The following MIS18A variants were observed in gnomAD, a reference collection of about 807,000 sequenced individuals.
MIS18A encodes the protein protein Mis18-alpha.
Under a neutral mutation model 25.0 loss-of-function variants are expected in MIS18A, and 14 were observed. The ratio of observed to expected loss-of-function variants is 0.56; its 90% CI spans 0.37 to 0.88. The LOEUF (loss-of-function observed/expected upper bound fraction) is 0.88. Among genes scored for constraint, MIS18A ranks in the 40% least tolerant of loss-of-function variants. The probability of loss-of-function intolerance (pLI) is 0.00; values close to 1 mark genes in which losing one functional copy is unlikely to be tolerated. For missense variants in MIS18A, 292 were observed against 290.8 expected (o/e 1.00, Z -0.03); for synonymous variants, 134 against 118.6 (o/e 1.13, Z -0.84).
At chr21:32,167,402 T>C in the MIS18A span, among the ~76,000 whole-genome samples, 1 of 152,222 alleles carries the variant, frequency 6.6e-6, no homozygotes, top group Non-Finnish European at 1.5e-5. Flanking sequence ...GATTACCAGA[T>C]GAAGTTTTCA....
chr21:32,195,391 T>TTC, the MIS18A span, among the ~76,000 whole-genome samples: 2 of 152,324 alleles, frequency 1.3e-5, no homozygotes, highest in Middle Eastern at 3.4e-3. Context: ...TCAGACCAAG[T>TTC]TCGCACACCT....
At chr21:32,221,885 CA>C in the MIS18A span, among the ~76,000 whole-genome samples, 2 of 149,036 alleles carry the variant, frequency 1.3e-5, no homozygotes, top group South Asian at 2.1e-4. Context: ...AGCAAGACTC[CA>C]AAAAAGAAAA....
At chr21:32,241,880 G>T in the MIS18A span, among the ~76,000 whole-genome samples, 305 of 108,662 alleles carry the variant, frequency 2.8e-3, 3 homozygotes, top group African/African-American at 0.01. Context: ...TGGGTTTTTT[G>T]TTGTTGTTGT....
chr21:32,227,507 CA>C, the MIS18A span, among the ~76,000 whole-genome samples: 1 of 151,880 alleles, frequency 6.6e-6, no homozygotes, highest in Non-Finnish European at 1.5e-5. Flanking sequence ...TAAACTGACT[CA>C]AAAAGAAACA....
chr21:32,156,578 A>T, the MIS18A span: 1 of 152,246 alleles, frequency 6.6e-6, no homozygotes, highest in Non-Finnish European at 1.5e-5. Context: ...GAAAGGGGTT[A>T]CAACTACCTT....
At chr21:32,159,607 T>G in the MIS18A span, among the ~76,000 whole-genome samples, 8 of 152,214 alleles carry the variant, frequency 5.3e-5, no homozygotes, top group African/African-American at 1.9e-4. Flanking sequence ...GACACAGCTC[T>G]CAGCGGGGCC....
the MIS18A span, among the ~76,000 whole-genome samples, chr21:32,216,079 A>G: frequency 6.6e-6 from 1 of 152,192 alleles, no homozygotes; most frequent in South Asian, 2.1e-4. Flanking sequence ...ACTAACCAAA[A>G]AAAAGTCAGA....
chr21:32,182,864 T>C, the MIS18A span, among the ~76,000 whole-genome samples: 1 of 152,188 alleles, frequency 6.6e-6, no homozygotes, highest in Admixed American at 6.5e-5. Context: ...TGCACTCCTG[T>C]AGTTACTGTA....
At chr21:32,210,708 G>A in the MIS18A span, among the ~76,000 whole-genome samples, 1 of 152,212 alleles carries the variant, frequency 6.6e-6, no homozygotes, top group East Asian at 1.9e-4. Flanking sequence ...TTTCATAACT[G>A]TAAGGGAGAA....
the MIS18A span, among the ~76,000 whole-genome samples, chr21:32,238,907 A>C: frequency 6.0e-4 from 91 of 152,370 alleles, 1 homozygote; most frequent in East Asian, 0.015. Context: ...AAGTGTCTAA[A>C]TAATCATTCC....
the MIS18A span, among the ~76,000 whole-genome samples, chr21:32,190,705 G>A: frequency 4.6e-5 from 7 of 152,358 alleles, no homozygotes; most frequent in South Asian, 1.4e-3. Context: ...GGGGACTGAG[G>A]AGCAGATGGC....
the MIS18A span, among the ~76,000 whole-genome samples, chr21:32,157,036 C>CT: frequency 7.0e-6 from 1 of 143,352 alleles, no homozygotes; most frequent in Non-Finnish European, 1.5e-5. Context: ...CATTTCCTTT[C>CT]TTTTCCTTTC....
At chr21:32,208,756 C>T in the MIS18A span, among the ~76,000 whole-genome samples, 1 of 152,326 alleles carries the variant, frequency 6.6e-6, no homozygotes, top group South Asian at 2.1e-4. Flanking sequence ...TTCTCTTTAA[C>T]TACTCAGCAT....
At chr21:32,235,231 G>T in the MIS18A span, among the ~76,000 whole-genome samples, 1 of 152,230 alleles carries the variant, frequency 6.6e-6, no homozygotes, top group East Asian at 1.9e-4. Context: ...GTCTTCAGCG[G>T]AATTGGAGGA....
At chr21:32,210,215 C>G in the MIS18A span, among the ~76,000 whole-genome samples, 1 of 152,104 alleles carries the variant, frequency 6.6e-6, no homozygotes, top group African/African-American at 2.4e-5. Flanking sequence ...TTCATGCTTA[C>G]AATGGGAATA....
the MIS18A span, among the ~76,000 whole-genome samples, chr21:32,161,919 G>A: frequency 2.0e-5 from 3 of 151,756 alleles, no homozygotes; most frequent in Admixed American, 6.6e-5. Context: ...TAGAACCCAG[G>A]ACTCTGACTC....
chr21:32,230,149 C>T, the MIS18A span, among the ~76,000 whole-genome samples: 1 of 152,172 alleles, frequency 6.6e-6, no homozygotes, highest in Non-Finnish European at 1.5e-5. Flanking sequence ...TTCTTCCTTT[C>T]TCTCTTTTAA....
chr21:32,163,314 A>G, the MIS18A span, among the ~76,000 whole-genome samples: 20 of 152,258 alleles, frequency 1.3e-4, 2 homozygotes, highest in South Asian at 3.1e-3. Context: ...AAATTGCCCA[A>G]TTTTCCTGCT....
chr21:32,276,816 CT>C (rs1344098729), intron 1 of MIS18A, among the ~76,000 whole-genome samples: 1 of 151,970 alleles, frequency 6.6e-6, no homozygotes, highest in Non-Finnish European at 1.5e-5. Context: ...TAGTCCCAAG[CT>C]ACTTGGGAAG....
Sources: gnomAD v4.1 joint callset for allele counts (sites outside exome capture counted in the v4.1 genomes callset) on GRCh38, gnomAD v4.1.1 for gene constraint, MANE v1.5 for transcripts, NCBI Gene and HGNC (gene_info 2026-07-23, HGNC 2026-07-21) for gene names.